Variants in TEX36 observed in about 807,000 individuals in gnomAD.
TEX36 encodes the protein testis expressed 36.
Under a neutral mutation model 13.6 loss-of-function variants are expected in TEX36, and 12 were observed. The observed-to-expected ratio is 0.88, with a 90% CI of 0.56 to 1.43. The LOEUF is 1.43. TEX36 is among the 40% of genes most tolerant of loss of function. The pLI is 0.00. For synonymous variants in TEX36, 93 were observed against 83.0 expected (o/e 1.12, Z -0.65); for missense variants, 224 against 228.3 (o/e 0.98, Z 0.12).
downstream of TEX36, among the ~76,000 whole-genome samples, chr10:125,618,577 G>A (rs993395562): frequency 6.6e-6 from 1 of 152,070 alleles, no homozygotes; most frequent in Non-Finnish European, 1.5e-5. Flanking sequence ...CTGCTGGGGG[G>A]TGCCTCTCAG....
At chr10:125,667,767 G>A in intron 1 of TEX36, 1 of 880,014 alleles carries the variant, frequency 1.1e-6, no homozygotes, top group South Asian at 1.5e-5. Flanking sequence ...GTCAGCAGCA[G>A]CTGACAGTAG....
chr10:125,647,747 T>A (rs1846792926), intron 3 of TEX36, among the ~76,000 whole-genome samples: 1 of 152,150 alleles, frequency 6.6e-6, no homozygotes, highest in African/African-American at 2.4e-5. Flanking sequence ...GGAATTCCCT[T>A]TCCTAGCAAA....
At chr10:125,641,959 T>C (rs1168359419) in intron 3 of TEX36, among the ~76,000 whole-genome samples, 1 of 152,242 alleles carries the variant, frequency 6.6e-6, no homozygotes, top group African/African-American at 2.4e-5. Flanking sequence ...TTATCTAATT[T>C]GCGTTTCCAT....
chr10:125,585,116 C>A (rs1845927917), intron 3 of TEX36, among the ~76,000 whole-genome samples: 1 of 152,180 alleles, frequency 6.6e-6, no homozygotes. Flanking sequence ...AGGAAAAACA[C>A]AAATGCTGTG....
chr10:125,642,657 G>GT (rs987787103), intron 3 of TEX36, among the ~76,000 whole-genome samples: 56 of 152,222 alleles, frequency 3.7e-4, no homozygotes, highest in Admixed American at 7.8e-4. Flanking sequence ...CTTAAGAAAG[G>GT]TTTTTTTGTT....
chr10:125,636,713 A>T (rs59920340), intron 3 of TEX36, among the ~76,000 whole-genome samples: 9,424 of 152,010 alleles, frequency 0.062, 848 homozygotes, highest in African/African-American at 0.2. Flanking sequence ...GCCAGTTCTC[A>T]CTTTCTCCAG....
At chr10:125,578,599 A>G (rs1326845450) in intron 3 of TEX36, among the ~76,000 whole-genome samples, 2 of 152,180 alleles carry the variant, frequency 1.3e-5, no homozygotes, top group Non-Finnish European at 2.9e-5. Context: ...GAACAGAGCC[A>G]AGGGAAGGTG....
chr10:125,612,094 T>C (rs1846297246), intron 3 of TEX36, among the ~76,000 whole-genome samples: 2 of 150,052 alleles, frequency 1.3e-5, no homozygotes, highest in African/African-American at 2.5e-5. Flanking sequence ...TTTTTCTTTT[T>C]TTTTTTTTTC....
At chr10:125,588,087 G>A (rs1845979475) in intron 3 of TEX36, among the ~76,000 whole-genome samples, 2 of 152,162 alleles carry the variant, frequency 1.3e-5, no homozygotes, top group Admixed American at 6.5e-5. Context: ...CGGTAACTTT[G>A]TAAATATATC....
intron 3 of TEX36, among the ~76,000 whole-genome samples, chr10:125,644,321 C>A (rs545288545): frequency 2.0e-5 from 3 of 151,816 alleles, no homozygotes; most frequent in African/African-American, 2.4e-5. Flanking sequence ...GAAGATAGAG[C>A]CAGGTATTTA....
In TEX36 at chr10:125,628,996, G is replaced by A. The variant is rs115405695; in HGVS notation, c.265-7351C>T. ...GAAGTGTGAGCTCCATTTGACAGGC[G>A]AGAAAGCTGAGGTTAAGAAAAGCTA... On this transcript the variant is annotated intron_variant, in intron 3 of 3. Coordinates refer to the TEX36 transcript ENST00000526819. Among the ~76,000 whole-genome samples the A allele has an allele frequency of 3.4e-3, 512 of 152,306 alleles. 4 individuals carry two copies. The highest frequency in any genetic ancestry group is 0.012 in the African/African-American group (486 of 41,564).
intron 3 of TEX36, among the ~76,000 whole-genome samples, chr10:125,614,214 T>C (rs1846327586): frequency 6.6e-6 from 1 of 152,208 alleles, no homozygotes; most frequent in African/African-American, 2.4e-5. Context: ...GCGAAAATTT[T>C]CTCCCATTTT....
intron 3 of TEX36, among the ~76,000 whole-genome samples, chr10:125,644,968 G>A (rs1846745958): frequency 6.6e-6 from 1 of 152,120 alleles, no homozygotes; most frequent in African/African-American, 2.4e-5. Context: ...AGCTGAGAAG[G>A]GACCTGGCTA....
At chr10:125,672,495 C>T (rs1055887654) in intron 1 of TEX36, among the ~76,000 whole-genome samples, 3 of 152,138 alleles carry the variant, frequency 2.0e-5, no homozygotes, top group African/African-American at 7.2e-5. Flanking sequence ...GTCTGAGAGA[C>T]AGTTTGTTAT....
chr10:125,631,382 C>A (rs923704251), intron 3 of TEX36, among the ~76,000 whole-genome samples: 4 of 152,224 alleles, frequency 2.6e-5, no homozygotes, highest in African/African-American at 9.6e-5. Context: ...TGTAGCCACA[C>A]ACCTTCGGGG....
intron 3 of TEX36, among the ~76,000 whole-genome samples, chr10:125,604,012 G>A (rs1171139262): frequency 6.6e-6 from 1 of 152,208 alleles, no homozygotes; most frequent in Non-Finnish European, 1.5e-5. Context: ...GACCCGAGAA[G>A]CTCAGAAAGT....
chr10:125,668,559 G>C (rs993492275), intron 1 of TEX36, among the ~76,000 whole-genome samples: 2 of 151,910 alleles, frequency 1.3e-5, no homozygotes, highest in African/African-American at 4.8e-5. Flanking sequence ...GGTCTTACTT[G>C]TAATGTCTCC....
At chr10:125,659,696 C>T (rs1006136351) in intron 3 of TEX36, among the ~76,000 whole-genome samples, 1 of 152,164 alleles carries the variant, frequency 6.6e-6, no homozygotes, top group Admixed American at 6.5e-5. Context: ...AGTTGTTTAA[C>T]TTTACTGGAT....
chr10:125,640,967 T>C, intron 3 of TEX36, among the ~76,000 whole-genome samples: 2 of 144,288 alleles, frequency 1.4e-5, no homozygotes, highest in Non-Finnish European at 1.5e-5. Context: ...CACACCCATC[T>C]CTCCCCCCTC....
Sources: gnomAD v4.1 joint callset for allele counts (sites outside exome capture counted in the v4.1 genomes callset) on GRCh38, gnomAD v4.1.1 for gene constraint, MANE v1.5 for transcripts, NCBI Gene and HGNC (gene_info 2026-07-23, HGNC 2026-07-21) for gene names.